Variants in RNFT2 observed in about 807,000 individuals in gnomAD.
RNFT2 encodes ring finger protein, transmembrane 2.
Under a neutral mutation model 53.0 loss-of-function variants are expected in RNFT2, and 36 were observed. That is an observed-to-expected ratio of 0.68 (90% CI 0.52 to 0.90). The LOEUF (loss-of-function observed/expected upper bound fraction) is 0.90. RNFT2 is among the 40% of genes least tolerant of loss of function. The pLI, the probability that RNFT2 is intolerant of heterozygous loss-of-function variation, is 0.00. For synonymous variants in RNFT2, 260 were observed against 253.2 expected (o/e 1.03, Z -0.26); for missense variants, 514 against 585.6 (o/e 0.88, Z 1.26).
At chr12:116,812,683 G>A (rs1389892231) in intron 7 of RNFT2, among the ~76,000 whole-genome samples, 2 of 151,794 alleles carry the variant, frequency 1.3e-5, no homozygotes, top group Non-Finnish European at 2.9e-5. Flanking sequence ...TACAGCATGC[G>A]CCACCACACC....
chr12:116,850,970 T>C lies in RNFT2; in HGVS notation c.*1522T>C, dbSNP rs1322763218. 1 of 152,118 alleles carries C rather than the reference T, an allele frequency of 6.6e-6. No individual in the cohort carries two copies. Among genetic ancestry groups the C allele is most frequent in the Non-Finnish European group, 1.5e-5 (1 of 68,046 alleles). 9.4% of individuals were successfully genotyped at this position (152,118 alleles called of 1,614,324 possible). On this transcript the variant is annotated 3_prime_UTR_variant, in exon 11 of 11. Coordinates refer to ENST00000257575, the MANE Select transcript of RNFT2 (RefSeq NM_001382266.1). ...AAAATACAGTTGTTGGGCCCCACCA[T>C]ATACCTGTAATGACTTAAGGTCCCA...
At chr12:116,794,467 G>A (rs1874391425) in intron 7 of RNFT2, among the ~76,000 whole-genome samples, 2 of 147,890 alleles carry the variant, frequency 1.4e-5, no homozygotes, top group African/African-American at 5.0e-5. Flanking sequence ...GTGTGGTGGT[G>A]CACACCTGCA....
At chr12:116,787,235 G>A (rs1298617550) in intron 7 of RNFT2, among the ~76,000 whole-genome samples, 1 of 152,164 alleles carries the variant, frequency 6.6e-6, no homozygotes, top group Non-Finnish European at 1.5e-5. Flanking sequence ...TCCCAAGCCC[G>A]TGGCTACTTC....
At chr12:116,765,797 A>C (rs553076504) in intron 5 of RNFT2, among the ~76,000 whole-genome samples, 1 of 152,280 alleles carries the variant, frequency 6.6e-6, no homozygotes, top group Non-Finnish European at 1.5e-5. Flanking sequence ...ATAAGCTTGG[A>C]TTTAATTCTA....
intron 5 of RNFT2, among the ~76,000 whole-genome samples, chr12:116,761,997 G>T (rs960423663): frequency 6.7e-6 from 1 of 148,828 alleles, no homozygotes; most frequent in African/African-American, 2.5e-5. Context: ...AATCTGGGAG[G>T]CAGAGGTTGC....
At chr12:116,813,845 C>T (rs1191687545) in intron 7 of RNFT2, among the ~76,000 whole-genome samples, 1 of 152,224 alleles carries the variant, frequency 6.6e-6, no homozygotes, top group Non-Finnish European at 1.5e-5. Flanking sequence ...AGCTCTTTCA[C>T]TTATAAGTCA....
chr12:116,762,527 A>C (rs1432975820), intron 5 of RNFT2, among the ~76,000 whole-genome samples: 2 of 151,580 alleles, frequency 1.3e-5, no homozygotes, highest in Non-Finnish European at 2.9e-5. Flanking sequence ...CCTTGAACCC[A>C]GGAGTTTGAG....
At chr12:116,848,741 C>T (rs1176579753) in intron 10 of RNFT2, among the ~76,000 whole-genome samples, 2 of 152,182 alleles carry the variant, frequency 1.3e-5, no homozygotes, top group Non-Finnish European at 2.9e-5. Flanking sequence ...ATGTCAGTAT[C>T]TCCGTAAAGT....
chr12:116,761,132 A>G (rs530862785), intron 5 of RNFT2, among the ~76,000 whole-genome samples: 114 of 151,968 alleles, frequency 7.5e-4, no homozygotes, highest in Non-Finnish European at 1.3e-3. Flanking sequence ...CATTCAGCTC[A>G]TTAGCTCACT....
chr12:116,803,156 A>T (rs968151735), intron 7 of RNFT2, among the ~76,000 whole-genome samples: 4 of 152,068 alleles, frequency 2.6e-5, no homozygotes, highest in African/African-American at 7.2e-5. Context: ...TCAGAGAAGG[A>T]AGTTGGTCCA....
rs561044206 is a variant in RNFT2 at position 116,769,129 on chromosome 12, G to A, written c.728+2215G>A. ...AATCCCAGCACTTTGGGAGGCCAAGGTGGGCAGATCACGAGGTCAGGAGTT... is the reference window on the plus strand; with the variant it reads ...AATCCCAGCACTTTGGGAGGCCAAGATGGGCAGATCACGAGGTCAGGAGTT... On this transcript the variant is annotated intron_variant, in intron 6 of 10. Coordinates refer to ENST00000257575, the MANE Select transcript of RNFT2 (RefSeq NM_001382266.1). Among the ~76,000 whole-genome samples the A allele has an allele frequency of 3.9e-5, 6 of 152,222 alleles. No homozygotes were observed. The East Asian group carries it at 1.2e-3, about 30-fold the overall frequency.
At chr12:116,744,441 C>T (rs1039129163) in intron 3 of RNFT2, among the ~76,000 whole-genome samples, 1 of 152,110 alleles carries the variant, frequency 6.6e-6, no homozygotes, top group African/African-American at 2.4e-5. Context: ...CTGTGCCAAC[C>T]GCCACATTAG....
chr12:116,818,228 G>A (rs576771232), intron 7 of RNFT2, among the ~76,000 whole-genome samples: 1 of 152,068 alleles, frequency 6.6e-6, no homozygotes, highest in Admixed American at 6.5e-5. Flanking sequence ...GGGGCTGAGA[G>A]GGGAGGCTCG....
At chr12:116,816,485 G>A (rs149289691) in intron 7 of RNFT2, among the ~76,000 whole-genome samples, 2 of 152,312 alleles carry the variant, frequency 1.3e-5, no homozygotes, top group East Asian at 1.9e-4. Flanking sequence ...AGAGCAGAGA[G>A]AGGATCTTTA....
intron 10 of RNFT2, among the ~76,000 whole-genome samples, chr12:116,840,725 C>T (rs879679132): frequency 6.6e-6 from 1 of 152,198 alleles, no homozygotes; most frequent in Non-Finnish European, 1.5e-5. Flanking sequence ...TGTCATCTGT[C>T]ACCCAAGATT....
chr12:116,845,718 C>T (rs1877578415), intron 10 of RNFT2, among the ~76,000 whole-genome samples: 1 of 152,060 alleles, frequency 6.6e-6, no homozygotes, highest in Admixed American at 6.6e-5. Context: ...GGCTTGCTGA[C>T]CCCTGGGTCC....
At chr12:116,800,427 G>A (rs913941461) in intron 7 of RNFT2, among the ~76,000 whole-genome samples, 1 of 150,636 alleles carries the variant, frequency 6.6e-6, no homozygotes, top group African/African-American at 2.5e-5. Context: ...GAGGTCACGG[G>A]TTCAAGTCCA....
intron 7 of RNFT2, among the ~76,000 whole-genome samples, chr12:116,808,873 T>A (rs1347928401): frequency 6.6e-6 from 1 of 151,856 alleles, no homozygotes; most frequent in Non-Finnish European, 1.5e-5. Flanking sequence ...CCCCCAGCAC[T>A]GGGCCGTTGG....
chr12:116,824,238 C>T (rs921875497), intron 7 of RNFT2, among the ~76,000 whole-genome samples: 1 of 152,154 alleles, frequency 6.6e-6, no homozygotes, highest in Non-Finnish European at 1.5e-5. Context: ...AGCATTAGAG[C>T]TCTCTATGAG....
Sources: allele counts gnomAD v4.1 joint callset (sites outside exome capture counted in the v4.1 genomes callset), GRCh38; gene constraint gnomAD v4.1.1; transcripts MANE v1.5; gene names NCBI Gene and HGNC (gene_info 2026-07-23, HGNC 2026-07-21).